The following RELN variants were observed in gnomAD, a reference collection of about 807,000 sequenced individuals.
RELN encodes reelin.
In RELN, 108 loss-of-function variants were observed where a neutral mutation model predicts 427.6. The ratio of observed to expected loss-of-function variants is 0.25; its 90% CI spans 0.22 to 0.30. The LOEUF (loss-of-function observed/expected upper bound fraction) is 0.30. Ranked by LOEUF, RELN falls within the 10% of genes least tolerant of loss-of-function variation. RELN has a pLI of 1.00. For synonymous variants in RELN, 1,524 were observed against 1,513.4 expected, an observed-to-expected ratio of 1.01 and a Z score of -0.16; for missense variants, 3,715 against 4,302.8, an observed-to-expected ratio of 0.86 and a Z score of 3.82.
chr7:103,604,618 A>C, intron 22 of RELN, 135 bp from the exon 23 acceptor site: 1 of 830,504 alleles, frequency 1.2e-6, no homozygotes, highest in Non-Finnish European at 2.0e-6. Flanking sequence ...ATTTTTCTTT[A>C]ATTTCCACTC....
chr7:103,943,208 A>C (rs1015127265), intron 1 of RELN, among the ~76,000 whole-genome samples: 11 of 152,198 alleles, frequency 7.2e-5, no homozygotes, highest in African/African-American at 2.7e-4. Flanking sequence ...GCTAGAAAGA[A>C]GGCAAGTTTA....
intron 28 of RELN, among the ~76,000 whole-genome samples, chr7:103,582,947 C>T (rs1376810759): frequency 6.6e-6 from 1 of 152,088 alleles, no homozygotes; most frequent in South Asian, 2.1e-4. Context: ...ATTGTAGACC[C>T]TCATTGAGAT....
At position 103,629,630 on chromosome 7, in the gene RELN, GT is replaced by G. The variant is rs35434615; in HGVS notation, c.2702+309del. On this transcript the variant is annotated intron_variant, in intron 20 of 64. Coordinates refer to ENST00000428762, the MANE Select transcript of RELN (RefSeq NM_005045.4). ...TTAATAACTAACACTTTTTGAAGAG[GT>G]TTTTTTTTTTAAAATATGTAATTGT... 0.19 allele frequency among the ~76,000 whole-genome samples: 27,490 copies of G among 146,876 alleles called. 3,248 individuals are homozygous for G. The highest frequency in any genetic ancestry group is 0.35 in the African/African-American group (13,779 of 38,842).
chr7:103,935,864 G>C (rs570632952), intron 1 of RELN, among the ~76,000 whole-genome samples: 1 of 152,162 alleles, frequency 6.6e-6, no homozygotes, highest in African/African-American at 2.4e-5. Flanking sequence ...CTCCCAATTT[G>C]ATCCTTTCTC....
At chr7:103,508,146 A>G (rs1414395202) in intron 51 of RELN, among the ~76,000 whole-genome samples, 1 of 152,174 alleles carries the variant, frequency 6.6e-6, no homozygotes, top group Non-Finnish European at 1.5e-5. Flanking sequence ...ACTATTCCGA[A>G]CAATAGAAAA....
At chr7:103,787,006 C>T (rs1052241786) in intron 3 of RELN, among the ~76,000 whole-genome samples, 1 of 152,144 alleles carries the variant, frequency 6.6e-6, no homozygotes. Context: ...GTCTCTCAGA[C>T]CATAGTGCCA....
intron 1 of RELN, among the ~76,000 whole-genome samples, chr7:103,954,153 A>C (rs1188285069): frequency 6.6e-6 from 1 of 151,846 alleles, no homozygotes; most frequent in Non-Finnish European, 1.5e-5. Context: ...CCAGCTACTC[A>C]AGAGGCTGAG....
chr7:103,535,215 A>G (rs994916690), intron 46 of RELN, 101 bp downstream of exon 46: 11 of 1,152,060 alleles, frequency 9.5e-6, no homozygotes, highest in Non-Finnish European at 1.3e-5. Flanking sequence ...AGCAATTAAC[A>G]AAACCCTCAC....
intron 1 of RELN, among the ~76,000 whole-genome samples, chr7:103,985,480 T>C (rs1797078002): frequency 1.3e-5 from 2 of 152,336 alleles, no homozygotes; most frequent in Admixed American, 1.3e-4. Flanking sequence ...CTTCTTCTAA[T>C]GGCTGACCTC....
At chr7:103,856,076 C>T (rs13232518) in intron 2 of RELN, among the ~76,000 whole-genome samples, 45 of 152,032 alleles carry the variant, frequency 3.0e-4, no homozygotes, top group Admixed American at 1.2e-3. Context: ...AAAGCATGAA[C>T]GGTGTTCTGT....
intron 2 of RELN, among the ~76,000 whole-genome samples, chr7:103,849,560 A>G (rs2116458852): frequency 6.6e-6 from 1 of 152,244 alleles, no homozygotes; most frequent in Admixed American, 6.5e-5. Context: ...CCCTACCTAC[A>G]TCTCTGGGCT....
intron 1 of RELN, among the ~76,000 whole-genome samples, chr7:103,938,742 A>C (rs547233999): frequency 2.0e-5 from 3 of 152,210 alleles, no homozygotes; most frequent in African/African-American, 7.2e-5. Flanking sequence ...ATCTGTGAGG[A>C]AACAATGTGT....
chr7:103,544,984 T>C, intron 42 of RELN, 140 bp downstream of exon 42: 1 of 735,004 alleles, frequency 1.4e-6, no homozygotes, highest in East Asian at 2.7e-5. Flanking sequence ...AATTCAGAAC[T>C]AAATGAATTC....
At chr7:103,855,170 C>T (rs887588189) in intron 2 of RELN, among the ~76,000 whole-genome samples, 1 of 152,188 alleles carries the variant, frequency 6.6e-6, no homozygotes, top group Non-Finnish European at 1.5e-5. Flanking sequence ...GTAAAATTCT[C>T]TTGGGAAGTT....
intron 64 of RELN, 63 bp from the exon 65 acceptor site, chr7:103,472,971 A>G: frequency 7.9e-7 from 1 of 1,266,208 alleles, no homozygotes; most frequent in Non-Finnish European, 1.2e-6. Context: ...AAGTCCCATC[A>G]TTGAACGTGC....
chr7:103,587,947 A>G (rs1402941016), intron 28 of RELN, among the ~76,000 whole-genome samples: 1 of 152,206 alleles, frequency 6.6e-6, no homozygotes, highest in Non-Finnish European at 1.5e-5. Flanking sequence ...GGGAATGTAA[A>G]CTAGTACAGC....
intron 2 of RELN, among the ~76,000 whole-genome samples, chr7:103,909,388 C>T (rs1181692444): frequency 6.6e-6 from 1 of 151,576 alleles, no homozygotes; most frequent in Non-Finnish European, 1.5e-5. Flanking sequence ...GGCAATGAAA[C>T]ATTACCATAA....
intron 2 of RELN, among the ~76,000 whole-genome samples, chr7:103,916,440 C>T (rs906023055): frequency 6.6e-6 from 1 of 151,978 alleles, no homozygotes; most frequent in Non-Finnish European, 1.5e-5. Context: ...CTACTTAATC[C>T]CAGCCTGGCA....
Position 103,883,811 on chromosome 7 carries a change from T to A in RELN, c.337+33264A>T, listed in dbSNP as rs76286425. 3.3e-3 allele frequency among the ~76,000 whole-genome samples: 498 copies of A among 152,326 alleles called. 1 individual carries two copies. Among genetic ancestry groups the A allele is most frequent in the Non-Finnish European group, 6.3e-3 (426 of 68,028 alleles). On this transcript the variant is annotated intron_variant, in intron 2 of 64. Transcript: ENST00000428762. ...CACAAACAAATGGATTAACACTCCA[T>A]GTTGCTGGATATGAAGAATCAATAT...
Sources: gnomAD v4.1 joint callset for allele counts (sites outside exome capture counted in the v4.1 genomes callset) on GRCh38, gnomAD v4.1.1 for gene constraint, MANE v1.5 for transcripts, NCBI Gene and HGNC (gene_info 2026-07-23, HGNC 2026-07-21) for gene names.